THSD7B: variants seen among roughly 807,000 people sequenced by gnomAD.
THSD7B encodes thrombospondin type 1 domain containing 7B.
THSD7B carries 138 observed loss-of-function variants against 213.6 expected under a neutral mutation model. The ratio of observed to expected loss-of-function variants is 0.65; its 90% CI spans 0.56 to 0.74. THSD7B has a LOEUF of 0.74. THSD7B is among the 30% of genes least tolerant of loss of function. The probability of loss-of-function intolerance (pLI) is 0.00; values close to 1 mark genes in which losing one functional copy is unlikely to be tolerated. For missense variants in THSD7B, 1,931 were observed against 1,991.5 expected (o/e 0.97, Z 0.58); for synonymous variants, 742 against 687.0 (o/e 1.08, Z -1.25).
At chr2:137,612,290 G>A (rs900373288) in intron 17 of THSD7B, among the ~76,000 whole-genome samples, 1 of 152,138 alleles carries the variant, frequency 6.6e-6, no homozygotes, top group Non-Finnish European at 1.5e-5. Context: ...GCTGTGGAAA[G>A]GGTAATCTGA....
At chr2:137,132,103 G>C (rs1453914374) in intron 5 of THSD7B, among the ~76,000 whole-genome samples, 1 of 149,614 alleles carries the variant, frequency 6.7e-6, no homozygotes, top group Admixed American at 6.7e-5. Context: ...CACATCCCTT[G>C]TAAGTTGGAT....
At chr2:136,920,957 C>T (rs1018031905) in intron 2 of THSD7B, among the ~76,000 whole-genome samples, 1 of 152,152 alleles carries the variant, frequency 6.6e-6, no homozygotes, top group Non-Finnish European at 1.5e-5. Context: ...TGGGAGCAGG[C>T]CCTTTGAAGC....
chr2:137,401,634 C>CT (rs35834967), intron 12 of THSD7B, among the ~76,000 whole-genome samples: 10,340 of 132,666 alleles, frequency 0.078, 739 homozygotes, highest in African/African-American at 0.18. Context: ...TTCTTTCTTT[C>CT]TTTTTTTTTT....
intron 2 of THSD7B, among the ~76,000 whole-genome samples, chr2:136,984,616 G>A (rs1473322806): frequency 6.6e-6 from 1 of 152,098 alleles, no homozygotes; most frequent in Non-Finnish European, 1.5e-5. Flanking sequence ...AAATTGCCTA[G>A]CATCAGGTAT....
chr2:136,900,714 A>G (rs531724010), intron 2 of THSD7B, among the ~76,000 whole-genome samples: 13 of 152,322 alleles, frequency 8.5e-5, no homozygotes, highest in African/African-American at 3.1e-4. Flanking sequence ...TGTAACCTTT[A>G]CAACAAATAT....
intron 14 of THSD7B, among the ~76,000 whole-genome samples, chr2:137,421,016 T>C (rs1439396640): frequency 6.9e-6 from 1 of 144,824 alleles, no homozygotes; most frequent in Non-Finnish European, 1.5e-5. Flanking sequence ...CAGTATCACA[T>C]TGGATTCTTC....
At chr2:137,283,507 T>A (rs920634960) in intron 12 of THSD7B, among the ~76,000 whole-genome samples, 1 of 152,098 alleles carries the variant, frequency 6.6e-6, no homozygotes, top group Non-Finnish European at 1.5e-5. Context: ...CCAGTTTTTG[T>A]CCATTCAGTA....
intron 2 of THSD7B, among the ~76,000 whole-genome samples, chr2:136,936,396 A>G (rs965621939): frequency 6.6e-6 from 1 of 152,180 alleles, no homozygotes; most frequent in Non-Finnish European, 1.5e-5. Flanking sequence ...CACAATTCAC[A>G]ATTGCAAAAA....
At chr2:137,452,947 G>C (rs1222288492) in intron 15 of THSD7B, among the ~76,000 whole-genome samples, 1 of 152,078 alleles carries the variant, frequency 6.6e-6, no homozygotes, top group Non-Finnish European at 1.5e-5. Context: ...AATAAGTAAA[G>C]GTAGGTCTGT....
chr2:137,579,529 C>T (rs1286641715), intron 17 of THSD7B, among the ~76,000 whole-genome samples: 8 of 151,364 alleles, frequency 5.3e-5, no homozygotes, highest in East Asian at 1.9e-4. Flanking sequence ...CACACACACA[C>T]GCGCGTGCGC....
chr2:137,450,898 G>C lies in THSD7B; in HGVS notation c.3013G>C (p.Asp1005His). 1 of 1,612,324 alleles carries C rather than the reference G, an allele frequency of 6.2e-7. No individual in the cohort carries two copies. The highest frequency in any genetic ancestry group is 8.5e-7 in the Non-Finnish European group (1 of 1,179,170). ...IPCPFDCKLSDWSSWGSCSSS... is the reference protein window; with the variant it reads ...IPCPFDCKLSHWSSWGSCSSS... ...CTGCCCATTTGATTGCAAGTTAAGC[G>C]ATTGGTCTAGTTGGGGGTCTTGCAG... is the stretch of plus-strand genomic sequence containing the variant. The change falls in exon 15 of 28, where the codon GAT (aspartate) becomes CAT (histidine). Residue 1005 changes from aspartate to histidine, a missense_variant. By Grantham distance (81) the Asp-to-His change is moderately conservative. Coordinates refer to ENST00000409968, the MANE Select transcript of THSD7B (RefSeq NM_001316349.2).
intron 7 of THSD7B, among the ~76,000 whole-genome samples, chr2:137,176,016 A>G (rs539534650): frequency 1.1e-4 from 17 of 152,226 alleles, no homozygotes; most frequent in African/African-American, 3.8e-4. Flanking sequence ...TTGTTAACAA[A>G]TGCTGCTTTA....
chr2:137,057,789 G>C (rs1687199305), intron 3 of THSD7B, among the ~76,000 whole-genome samples: 1 of 152,114 alleles, frequency 6.6e-6, no homozygotes. Flanking sequence ...TTTTGATACA[G>C]GTATTAACTT....
At chr2:137,286,077 C>T (rs1683170164) in intron 12 of THSD7B, among the ~76,000 whole-genome samples, 1 of 149,780 alleles carries the variant, frequency 6.7e-6, no homozygotes, top group African/African-American at 2.5e-5. Flanking sequence ...TCACACCAGC[C>T]TGGTGAGAGA....
chr2:136,911,213 T>G (rs1479606324), intron 2 of THSD7B, among the ~76,000 whole-genome samples: 1 of 152,230 alleles, frequency 6.6e-6, no homozygotes, highest in Non-Finnish European at 1.5e-5. Flanking sequence ...GTTTTGCTCT[T>G]AGAAATCTTT....
intron 1 of THSD7B, among the ~76,000 whole-genome samples, chr2:136,864,181 C>T (rs1415845236): frequency 6.6e-6 from 1 of 152,146 alleles, no homozygotes; most frequent in Non-Finnish European, 1.5e-5. Context: ...GTGAAGTGGC[C>T]TTGCTGAGTT....
intron 21 of THSD7B, among the ~76,000 whole-genome samples, chr2:137,647,700 T>G (rs1683062614): frequency 6.6e-6 from 1 of 152,008 alleles, no homozygotes; most frequent in Admixed American, 6.6e-5. Context: ...TTTAAGTGCC[T>G]CTCCTTTCTT....
intron 14 of THSD7B, among the ~76,000 whole-genome samples, chr2:137,420,258 A>G (rs1686896310): frequency 6.6e-6 from 1 of 152,086 alleles, no homozygotes; most frequent in African/African-American, 2.4e-5. Flanking sequence ...AGAATATCTC[A>G]ATATATACCA....
At chr2:137,524,296 C>T (rs1411499639) in intron 15 of THSD7B, among the ~76,000 whole-genome samples, 2 of 152,040 alleles carry the variant, frequency 1.3e-5, no homozygotes, top group African/African-American at 2.4e-5. Context: ...TGAAGAAATT[C>T]GTCATGTGGA....
Sources: gnomAD v4.1 joint callset for allele counts (sites outside exome capture counted in the v4.1 genomes callset) on GRCh38, gnomAD v4.1.1 for gene constraint, MANE v1.5 for transcripts, NCBI Gene and HGNC (gene_info 2026-07-23, HGNC 2026-07-21) for gene names.